Variants in TTC39B observed in about 807,000 individuals in gnomAD.
The protein encoded by TTC39B is tetratricopeptide repeat protein 39B.
A neutral mutation model predicts 96.6 loss-of-function variants in TTC39B; 92 were observed. The observed-to-expected ratio is 0.95, with a 90% CI of 0.80 to 1.13. The LOEUF (loss-of-function observed/expected upper bound fraction) is 1.13, where lower values mean the gene tolerates loss of function less well. Ranked by LOEUF, TTC39B falls within the 50% of genes most tolerant of loss-of-function variation. The pLI, the probability that TTC39B is intolerant of heterozygous loss-of-function variation, is 0.00. For synonymous variants in TTC39B, 367 were observed against 299.4 expected (o/e 1.23, Z -2.33); for missense variants, 955 against 809.3 (o/e 1.18, Z -2.18).
At chr9:15,240,488 T>C (rs1049524048) in intron 2 of TTC39B, among the ~76,000 whole-genome samples, 4 of 152,104 alleles carry the variant, frequency 2.6e-5, no homozygotes, top group Admixed American at 2.6e-4. Flanking sequence ...AGATTCTTTG[T>C]ACTTTTCAAT....
chr9:15,281,372 T>C (rs989390358), intron 1 of TTC39B, among the ~76,000 whole-genome samples: 1 of 152,150 alleles, frequency 6.6e-6, no homozygotes, highest in Non-Finnish European at 1.5e-5. Flanking sequence ...TCAGCTCCCA[T>C]TAAATTATTA....
chr9:15,295,109 G>A (rs975223909), intron 1 of TTC39B, among the ~76,000 whole-genome samples: 1 of 152,096 alleles, frequency 6.6e-6, no homozygotes, highest in African/African-American at 2.4e-5. Flanking sequence ...TAATTCATAA[G>A]GCTTACAATA....
chr9:15,299,296 G>T (rs766393864), intron 1 of TTC39B, among the ~76,000 whole-genome samples: 1 of 152,104 alleles, frequency 6.6e-6, no homozygotes, highest in African/African-American at 2.4e-5. Context: ...CATAATATCA[G>T]CAGTACCAAG....
chr9:15,261,143 G>A (rs1056724681), intron 2 of TTC39B, among the ~76,000 whole-genome samples: 1 of 152,072 alleles, frequency 6.6e-6, no homozygotes, highest in African/African-American at 2.4e-5. Flanking sequence ...TTAGATTTTT[G>A]TCCCATTGCC....
intron 3 of TTC39B, among the ~76,000 whole-genome samples, chr9:15,225,613 T>A (rs1821079065): frequency 6.6e-6 from 1 of 152,202 alleles, no homozygotes; most frequent in Non-Finnish European, 1.5e-5. Flanking sequence ...GTGTGATTTA[T>A]TATTTTATAA....
exon 20 of TTC39B, chr9:15,167,514 A>C (rs1049315683): frequency 2.0e-5 from 3 of 152,264 alleles, no homozygotes; most frequent in African/African-American, 7.2e-5. Context: ...GCACTTTGGG[A>C]GGCCAAGGCG....
intron 11 of TTC39B, 59 bp downstream of exon 11, chr9:15,190,495 C>T (rs548123788): frequency 1.8e-5 from 27 of 1,484,416 alleles, no homozygotes; most frequent in Non-Finnish European, 2.3e-5. Flanking sequence ...ACAGGTGTAA[C>T]ACACCATGTC....
At chr9:15,280,172 A>G (rs969506898) in intron 1 of TTC39B, among the ~76,000 whole-genome samples, 3 of 152,128 alleles carry the variant, frequency 2.0e-5, no homozygotes, top group Non-Finnish European at 4.4e-5. Context: ...TGCTGGGATT[A>G]CAGGTGTGAG....
intron 1 of TTC39B, among the ~76,000 whole-genome samples, chr9:15,283,567 G>A (rs1443530091): frequency 6.6e-6 from 1 of 152,018 alleles, no homozygotes; most frequent in Non-Finnish European, 1.5e-5. Flanking sequence ...AATAAGATTC[G>A]CAGCAGAACT....
intron 2 of TTC39B, among the ~76,000 whole-genome samples, chr9:15,241,721 G>A (rs1023580856): frequency 4.7e-5 from 7 of 149,864 alleles, no homozygotes; most frequent in South Asian, 2.1e-4. Context: ...GTAATCTTTC[G>A]TAAGTTTCTT....
At chr9:15,224,631 TTTTA>T (rs1428499816) in intron 3 of TTC39B, 1 of 152,230 alleles carries the variant, frequency 6.6e-6, no homozygotes, top group Non-Finnish European at 1.5e-5. Context: ...TTTCAGTAAT[TTTTA>T]TTTATTTTAT....
rs940124093 is a variant in TTC39B, at chr9:15,208,092, C to T, written c.691+1996G>A. 4.0e-5 allele frequency among the ~76,000 whole-genome samples: 6 copies of T among 151,034 alleles called. No individual in the cohort carries two copies. The South Asian group carries it at 8.4e-4, about 21-fold the overall frequency. ...TCACCCAGGCAGAAGTGCAGTGGCG[C>T]GATCTCGGCTCACTGCAACCTCCAC... On this transcript the variant is annotated intron_variant, in intron 6 of 19. Coordinates refer to ENST00000512701, the Ensembl canonical transcript of TTC39B.
intron 7 of TTC39B, among the ~76,000 whole-genome samples, chr9:15,200,262 TTAACAGA>T (rs559519439): frequency 8.1e-4 from 124 of 152,352 alleles, no homozygotes; most frequent in Non-Finnish European, 1.3e-3. Flanking sequence ...TCTTCTGGGT[TTAACAGA>T]ATGTAAAATG....
intron 10 of TTC39B, among the ~76,000 whole-genome samples, 178 bp from the exon 11 acceptor site, chr9:15,190,840 A>T (rs1818818834): frequency 6.6e-6 from 1 of 152,158 alleles, no homozygotes; most frequent in East Asian, 1.9e-4. Flanking sequence ...CATACTCAAC[A>T]GGTAGTTTTT....
At chr9:15,171,501 G>A (rs549646300) in exon 20 of TTC39B, 32 of 152,104 alleles carry the variant, frequency 2.1e-4, no homozygotes, top group East Asian at 5.8e-4. Flanking sequence ...ACATTATATC[G>A]ATCCGTGTTC....
At chr9:15,204,907 C>T (rs1272622559) in intron 6 of TTC39B, among the ~76,000 whole-genome samples, 1 of 152,172 alleles carries the variant, frequency 6.6e-6, no homozygotes, top group Non-Finnish European at 1.5e-5. Flanking sequence ...CCCAACCAAC[C>T]ATTATACTTG....
intron 6 of TTC39B, 115 bp downstream of exon 6, chr9:15,209,973 T>C (rs182431135): frequency 1.5e-5 from 11 of 755,120 alleles, no homozygotes; most frequent in East Asian, 8.0e-5. Flanking sequence ...GTGAGTATGA[T>C]AGGGAAGAGA....
chr9:15,262,892 G>A (rs1586975406), intron 2 of TTC39B, among the ~76,000 whole-genome samples: 1 of 152,106 alleles, frequency 6.6e-6, no homozygotes, highest in African/African-American at 2.4e-5. Context: ...TAAGTGTAAG[G>A]AAAAAGAACT....
intron 1 of TTC39B, among the ~76,000 whole-genome samples, chr9:15,299,270 C>A (rs1211969985): frequency 6.6e-6 from 1 of 152,082 alleles, no homozygotes; most frequent in Non-Finnish European, 1.5e-5. Flanking sequence ...ATACGTAGGC[C>A]CTATGTATAT....
Sources: gnomAD v4.1 joint callset for allele counts (sites outside exome capture counted in the v4.1 genomes callset) on GRCh38, gnomAD v4.1.1 for gene constraint, MANE v1.5 for transcripts, NCBI Gene and HGNC (gene_info 2026-07-23, HGNC 2026-07-21) for gene names.